The following GPR89B variants were observed in gnomAD, a reference collection of about 807,000 sequenced individuals.
The protein encoded by GPR89B is G protein-coupled receptor 89B.
A neutral mutation model predicts 52.4 loss-of-function variants in GPR89B; 25 were observed. That is an observed-to-expected ratio of 0.48 (90% CI 0.35 to 0.67). The LOEUF is 0.67. Ranked by LOEUF, GPR89B falls within the 30% of genes least tolerant of loss-of-function variation. The pLI, the probability that GPR89B is intolerant of heterozygous loss-of-function variation, is 0.01. For synonymous variants in GPR89B, 52 were observed against 151.2 expected, an observed-to-expected ratio of 0.34 and a Z score of 4.81; for missense variants, 146 against 450.2, an observed-to-expected ratio of 0.32 and a Z score of 6.11.
At chr1:148,023,317 C>T in the GPR89B span, among the ~76,000 whole-genome samples, 1 of 145,782 alleles carries the variant, frequency 6.9e-6, no homozygotes, top group South Asian at 2.3e-4. Context: ...GTGTATGTAC[C>T]ACATTTTCTT....
chr1:147,983,036 G>C (rs1416439054), intron 10 of GPR89B, among the ~76,000 whole-genome samples: 1 of 152,110 alleles, frequency 6.6e-6, no homozygotes, highest in African/African-American at 2.4e-5. Flanking sequence ...ATCTACAACC[G>C]TCTGATCTTT....
chr1:148,018,912 C>T, the GPR89B span, among the ~76,000 whole-genome samples: 1 of 151,524 alleles, frequency 6.6e-6, no homozygotes, highest in African/African-American at 2.4e-5. Flanking sequence ...GTGATCCGCC[C>T]GCCTCGGCCT....
chr1:148,004,886 AACACACACACAC>A, the GPR89B span, among the ~76,000 whole-genome samples: 4,679 of 111,758 alleles, frequency 0.042, 211 homozygotes, highest in African/African-American at 0.065. Flanking sequence ...ATCTCTACAA[AACACACACACAC>A]ACACACACAC....
the GPR89B span, among the ~76,000 whole-genome samples, chr1:147,999,907 C>T: frequency 6.6e-6 from 1 of 152,166 alleles, no homozygotes; most frequent in Non-Finnish European, 1.5e-5. Context: ...GAAACTGAAG[C>T]ACAGAGAGAG....
At chr1:148,006,394 A>G in the GPR89B span, among the ~76,000 whole-genome samples, 6 of 152,166 alleles carry the variant, frequency 3.9e-5, no homozygotes, top group Non-Finnish European at 8.8e-5. Context: ...GGGAGGGAAG[A>G]ACCCGAATGC....
chr1:148,020,621 G>A, the GPR89B span, among the ~76,000 whole-genome samples: 1 of 151,740 alleles, frequency 6.6e-6, no homozygotes, highest in South Asian at 2.1e-4. Context: ...AGGAGGGGAA[G>A]GGGGGAACTA....
chr1:147,931,179 G>A (rs1289668345), intron 1 of GPR89B, among the ~76,000 whole-genome samples: 1 of 151,856 alleles, frequency 6.6e-6, no homozygotes, highest in Non-Finnish European at 1.5e-5. Flanking sequence ...TTAAAAGGGT[G>A]AATAAATGAT....
At chr1:147,972,788 C>G (rs1200338384) in intron 10 of GPR89B, among the ~76,000 whole-genome samples, 1 of 147,870 alleles carries the variant, frequency 6.8e-6, no homozygotes, top group Admixed American at 6.6e-5. Context: ...CATCCATTAG[C>G]TATTTCCCTG....
At chr1:147,959,644 T>C in intron 7 of GPR89B, among the ~76,000 whole-genome samples, 1 of 151,932 alleles carries the variant, frequency 6.6e-6, no homozygotes, top group Non-Finnish European at 1.5e-5. Context: ...ATGAGGGAAA[T>C]GCAGAAGGAC....
At chr1:147,991,114 T>C (rs1364299480) in intron 12 of GPR89B, among the ~76,000 whole-genome samples, 1 of 150,630 alleles carries the variant, frequency 6.6e-6, no homozygotes, top group Non-Finnish European at 1.5e-5. Flanking sequence ...TGTTTCCTCT[T>C]TTATTGTGTT....
At chr1:148,023,730 A>G in the GPR89B span, among the ~76,000 whole-genome samples, 1 of 149,670 alleles carries the variant, frequency 6.7e-6, no homozygotes, top group Non-Finnish European at 1.5e-5. Context: ...GGCTGCTTGT[A>G]TGTCTTCTTT....
chr1:147,930,362 C>T (rs1157624882), intron 1 of GPR89B, among the ~76,000 whole-genome samples: 7 of 152,278 alleles, frequency 4.6e-5, no homozygotes, highest in South Asian at 2.1e-4. Context: ...CTTTCCATTT[C>T]GGCTGCCTTC....
chr1:147,931,329 C>G (rs1156973202), intron 1 of GPR89B, among the ~76,000 whole-genome samples: 1 of 151,938 alleles, frequency 6.6e-6, no homozygotes, highest in African/African-American at 2.4e-5. Flanking sequence ...GTTTTAAGCC[C>G]TCTATACCGT....
chr1:147,971,444 C>G (rs1490330926), intron 10 of GPR89B, among the ~76,000 whole-genome samples: 5 of 150,672 alleles, frequency 3.3e-5, no homozygotes, highest in African/African-American at 1.2e-4. Flanking sequence ...AGCCATCACA[C>G]CCGGCCTAGG....
chr1:147,995,788 C>A (rs1235932100), downstream of GPR89B: 1 of 1,591,106 alleles, frequency 6.3e-7, no homozygotes, highest in East Asian at 2.2e-5. Flanking sequence ...TATCCACCAC[C>A]TTCTCATAGG....
At chr1:147,995,040 A>C (rs1659282182), downstream of GPR89B, among the ~76,000 whole-genome samples, 1 of 152,152 alleles carries the variant, frequency 6.6e-6, no homozygotes, top group African/African-American at 2.4e-5. Flanking sequence ...TAATATAGAG[A>C]ATGCTTAATC....
chr1:148,016,228 G>A, the GPR89B span, among the ~76,000 whole-genome samples: 1 of 81,658 alleles, frequency 1.2e-5, no homozygotes, highest in Admixed American at 1.5e-4. Context: ...CTGTAGTGTG[G>A]GTCAGCTGGT....
At chr1:148,023,694 G>A in the GPR89B span, among the ~76,000 whole-genome samples, 1 of 146,860 alleles carries the variant, frequency 6.8e-6, no homozygotes, top group Non-Finnish European at 1.5e-5. Context: ...TATTAGTGAT[G>A]ATGAGCATTT....
chr1:147,949,087 C>T (rs1338195201), intron 5 of GPR89B, among the ~76,000 whole-genome samples: 5 of 151,976 alleles, frequency 3.3e-5, no homozygotes, highest in East Asian at 3.9e-4. Flanking sequence ...GTAGGGTCAC[C>T]GATCAACAGG....
Sources: allele counts gnomAD v4.1 joint callset (sites outside exome capture counted in the v4.1 genomes callset), GRCh38; gene constraint gnomAD v4.1.1; transcripts MANE v1.5; gene names NCBI Gene and HGNC (gene_info 2026-07-23, HGNC 2026-07-21).